Variants in ARHGAP17 observed in about 807,000 individuals in gnomAD.
The protein encoded by ARHGAP17 is rho GTPase-activating protein 17.
ARHGAP17 carries 57 observed loss-of-function variants against 99.5 expected under a neutral mutation model. That is an observed-to-expected ratio of 0.57 (90% CI 0.46 to 0.71). ARHGAP17 has a LOEUF of 0.71. Ranked by LOEUF, ARHGAP17 falls within the 30% of genes least tolerant of loss-of-function variation. The probability of loss-of-function intolerance (pLI) is 0.00; values close to 1 mark genes in which losing one functional copy is unlikely to be tolerated. For missense variants in ARHGAP17, 1,000 were observed against 1,122.4 expected (o/e 0.89, Z 1.56); for synonymous variants, 417 against 429.6 (o/e 0.97, Z 0.36).
rs946660666 is a variant in ARHGAP17, at chr16:25,015,015, A to C, written c.53+194T>G. 2.6e-5 allele frequency among the ~76,000 whole-genome samples: 4 copies of C among 151,012 alleles called. No individual in the cohort carries two copies. The East Asian group carries it at 7.9e-4, about 30-fold the overall frequency. On this transcript the variant is annotated intron_variant, in intron 1 of 19. Transcript: ENST00000289968. The stretch of plus-strand genomic sequence containing the variant: ...CTCGGGAGCCCGGCGGCGCTGAGAG[A>C]CAGGCGGGCCGCCTGGAGCGCGGCG...
intron 9 of ARHGAP17, among the ~76,000 whole-genome samples, chr16:24,958,159 AG>A (rs1186610052): frequency 6.6e-6 from 1 of 152,148 alleles, no homozygotes; most frequent in Admixed American, 6.5e-5. Context: ...GTATTTCTCT[AG>A]GGAAAATACC....
In ARHGAP17 at chr16:24,964,258, G is replaced by C; in HGVS notation, c.512C>G (p.Ser171Ter). ...CTCTTCCTTTAGAGTATCTATTTTT[G>C]ATGGAAGCCCCTGAAAGTTGGTTCC... ...SSGTNFQGLP[S>*]KIDTLKEEMD... is the part of the protein sequence containing the mutation. Residue 171 changes from serine (S) to a stop codon, truncating the protein, a stop_gained, in exon 7 of 20, where the codon TCA (serine) becomes TGA (stop). Transcript: ENST00000289968. LOFTEE classifies it high-confidence loss of function. 1 of 1,613,576 alleles carries C rather than the reference G, an allele frequency of 6.2e-7. No individual in the cohort carries two copies. The highest frequency in any genetic ancestry group is 8.5e-7 in the Non-Finnish European group (1 of 1,179,838).
At chr16:24,945,744 G>A (rs1314638801) in intron 14 of ARHGAP17, among the ~76,000 whole-genome samples, 1 of 152,158 alleles carries the variant, frequency 6.6e-6, no homozygotes, top group African/African-American at 2.4e-5. Context: ...ATCAGTCTGT[G>A]TGCCTTAAAA....
At chr16:25,005,323 A>C (rs559974828) in intron 1 of ARHGAP17, among the ~76,000 whole-genome samples, 1 of 152,354 alleles carries the variant, frequency 6.6e-6, no homozygotes, top group South Asian at 2.1e-4. Context: ...TTTTTTATAG[A>C]ATCAGCTTTA....
intron 2 of ARHGAP17, among the ~76,000 whole-genome samples, chr16:24,978,006 G>T (rs946009161): frequency 6.6e-6 from 1 of 152,130 alleles, no homozygotes; most frequent in African/African-American, 2.4e-5. Context: ...GATGGTCTGT[G>T]CCTCTTTCTC....
In ARHGAP17 at chr16:24,959,751, A is replaced by G. The variant is rs1312160830; in HGVS notation, c.644T>C (p.Leu215Ser). Reference protein sequence around the residue: ...EGEYGKFFVTLLEAQADYHRK... With the variant: ...EGEYGKFFVTSLEAQADYHRK... The stretch of plus-strand genomic sequence containing the variant: ...ATGGTAATCTGCTTGGGCTTCTAAT[A>G]ACTGAGAACAGACCCACATTCAAAA... The change falls in exon 9 of 20, where the codon TTA becomes TCA. Residue 215 changes from leucine to serine, a missense_variant and splice_region_variant. Physicochemically the swap from Leu to Ser is moderately radical, Grantham distance 145. This residue lies in a region of ARHGAP17 where 472 missense variants were observed against 611.1 expected (regional missense o/e 0.77). Transcript: ENST00000289968. 6.2e-7 allele frequency: 1 copy of G among 1,614,078 alleles called. No individual in the cohort carries two copies.
chr16:24,986,438 A>C (rs2052873362), intron 1 of ARHGAP17, among the ~76,000 whole-genome samples: 1 of 152,196 alleles, frequency 6.6e-6, no homozygotes, highest in Non-Finnish European at 1.5e-5. Flanking sequence ...CCCATTTTTT[A>C]TGTTCAGAAA....
At chr16:24,957,403 G>A (rs1025806189) in intron 9 of ARHGAP17, 14 of 152,266 alleles carry the variant, frequency 9.2e-5, no homozygotes, top group African/African-American at 3.1e-4. Flanking sequence ...AGTGAGGGTG[G>A]GAGAGAACAG....
chr16:25,014,399 G>A (rs894333519), intron 1 of ARHGAP17, among the ~76,000 whole-genome samples: 3 of 152,162 alleles, frequency 2.0e-5, no homozygotes, highest in African/African-American at 7.2e-5. Context: ...TTCTTGTTCT[G>A]ACAACCTGAT....
At chr16:24,981,074 G>A (rs951946579) in intron 1 of ARHGAP17, among the ~76,000 whole-genome samples, 2 of 152,220 alleles carry the variant, frequency 1.3e-5, no homozygotes, top group Non-Finnish European at 2.9e-5. Context: ...AAGCAGATGT[G>A]GGAAAGTTAG....
Position 25,015,357 on chromosome 16 carries a change from G to A in ARHGAP17, c.-96C>T, listed in dbSNP as rs1238434019. 5 of 1,129,046 alleles carry A rather than the reference G, an allele frequency of 4.4e-6. No individual in the cohort carries two copies. In the African/African-American group the frequency reaches 8.1e-5, roughly 18 times the overall value. 69.9% of individuals were successfully genotyped at this position (1,129,046 alleles called of 1,614,324 possible). A position where few individuals can be genotyped will look rare whatever the true frequency, so the allele number is the denominator to read the frequency against. ...ATCGCTTCCCGGCCCAAACGGCGGC[G>A]CGGCGGTGGCTCCCCGGGCCGGCGG... is the stretch of plus-strand genomic sequence containing the variant. On this transcript the variant is annotated 5_prime_UTR_variant, in exon 1 of 20. Coordinates refer to ENST00000289968, the MANE Select transcript of ARHGAP17 (RefSeq NM_001006634.3).
intron 18 of ARHGAP17, among the ~76,000 whole-genome samples, chr16:24,933,384 A>G (rs551521670): frequency 9.2e-5 from 14 of 152,216 alleles, no homozygotes; most frequent in African/African-American, 3.4e-4. Flanking sequence ...TGAGAGGCCA[A>G]AGTGGGAGGA....
intron 1 of ARHGAP17, among the ~76,000 whole-genome samples, chr16:24,983,631 T>C (rs1363935827): frequency 6.6e-6 from 1 of 152,168 alleles, no homozygotes; most frequent in East Asian, 1.9e-4. Flanking sequence ...TGCTCCATGT[T>C]CCTAAACTTT....
chr16:24,949,514 CTTATTAAGACACCAA>C (rs745515611), intron 12 of ARHGAP17, 30 bp from the exon 13 acceptor site: 1 of 1,564,704 alleles, frequency 6.4e-7, no homozygotes, highest in Non-Finnish European at 8.8e-7. Context: ...AGTACAACAA[CTTATTAAGACACCAA>C]TTATCTTATT....
chr16:24,944,566 C>T (rs1200786704), intron 14 of ARHGAP17, among the ~76,000 whole-genome samples: 1 of 152,092 alleles, frequency 6.6e-6, no homozygotes, highest in Non-Finnish European at 1.5e-5. Context: ...ATTTTGCCTA[C>T]GATATCACCA....
intron 1 of ARHGAP17, among the ~76,000 whole-genome samples, chr16:25,002,120 C>T (rs1268171851): frequency 6.6e-6 from 1 of 151,718 alleles, no homozygotes; most frequent in Non-Finnish European, 1.5e-5. Context: ...TACACACACC[C>T]AAAGCCATAA....
chr16:25,000,512 G>A (rs937152219), intron 1 of ARHGAP17, among the ~76,000 whole-genome samples: 3 of 152,142 alleles, frequency 2.0e-5, no homozygotes, highest in African/African-American at 7.2e-5. Flanking sequence ...GCTTGAGGAT[G>A]TCTGTGAAGT....
chr16:24,928,152 T>C (rs2050890137), intron 19 of ARHGAP17, among the ~76,000 whole-genome samples: 3 of 152,234 alleles, frequency 2.0e-5, no homozygotes, highest in African/African-American at 2.4e-5. Flanking sequence ...AAAAACCCAA[T>C]GGCTACATCC....
At chr16:24,921,575 T>C (rs1264381596) in intron 19 of ARHGAP17, among the ~76,000 whole-genome samples, 2 of 152,210 alleles carry the variant, frequency 1.3e-5, no homozygotes, top group African/African-American at 4.8e-5. Context: ...GGAAGCTCAC[T>C]GCTTGGAGAC....
Sources: gnomAD v4.1 joint callset for allele counts (sites outside exome capture counted in the v4.1 genomes callset) on GRCh38, gnomAD v4.1.1 for gene constraint, gnomAD v4.1.1 regional missense constraint, MANE v1.5 for transcripts, NCBI Gene and HGNC (gene_info 2026-07-23, HGNC 2026-07-21) for gene names.